Variants in TBC1D5 observed in about 807,000 individuals in gnomAD.
TBC1D5 encodes TBC1 domain family member 5.
A neutral mutation model predicts 100.3 loss-of-function variants in TBC1D5; 75 were observed. The observed-to-expected ratio is 0.75, with a 90% CI of 0.62 to 0.91. TBC1D5 has a LOEUF of 0.91. TBC1D5 is among the 40% of genes least tolerant of loss of function. The pLI is 0.00. For missense variants in TBC1D5, 910 were observed against 942.4 expected (o/e 0.97, Z 0.45); for synonymous variants, 323 against 325.6 (o/e 0.99, Z 0.09).
At chr3:17,714,743 A>T (rs1284624073) in intron 1 of TBC1D5, among the ~76,000 whole-genome samples, 1 of 152,180 alleles carries the variant, frequency 6.6e-6, no homozygotes, top group Non-Finnish European at 1.5e-5. Context: ...CTGATGCAGG[A>T]GGATCCCATG....
At chr3:17,341,152 G>C (rs1185696573) in intron 13 of TBC1D5, among the ~76,000 whole-genome samples, 1 of 152,092 alleles carries the variant, frequency 6.6e-6, no homozygotes, top group African/African-American at 2.4e-5. Flanking sequence ...ACTTATTTGA[G>C]TGATTACTAT....
intron 20 of TBC1D5, among the ~76,000 whole-genome samples, chr3:17,167,252 C>G (rs1352660959): frequency 1.3e-5 from 2 of 152,210 alleles, no homozygotes; most frequent in Non-Finnish European, 2.9e-5. Flanking sequence ...ACACCTTGGT[C>G]ACTAAAGTGG....
chr3:17,623,218 G>C (rs1277329771), intron 2 of TBC1D5, among the ~76,000 whole-genome samples: 1 of 152,156 alleles, frequency 6.6e-6, no homozygotes, highest in African/African-American at 2.4e-5. Flanking sequence ...GACTTAGTAG[G>C]TATGGGGTTA....
intron 9 of TBC1D5, among the ~76,000 whole-genome samples, chr3:17,382,767 G>T (rs2092999265): frequency 6.6e-6 from 1 of 151,894 alleles, no homozygotes; most frequent in Non-Finnish European, 1.5e-5. Flanking sequence ...TCACCATGTT[G>T]CCCAGCCTGG....
intron 2 of TBC1D5, among the ~76,000 whole-genome samples, chr3:17,608,094 T>A (rs559155023): frequency 5.7e-4 from 86 of 152,150 alleles, no homozygotes; most frequent in South Asian, 2.3e-3. Flanking sequence ...CCGTCTCTAC[T>A]AAAAATACAA....
intron 1 of TBC1D5, among the ~76,000 whole-genome samples, chr3:17,684,200 T>G (rs917623187): frequency 6.6e-6 from 1 of 152,078 alleles, no homozygotes; most frequent in Non-Finnish European, 1.5e-5. Flanking sequence ...GACACAGATA[T>G]GTATGACACA....
At chr3:17,286,439 C>T (rs1158146241) in intron 15 of TBC1D5, among the ~76,000 whole-genome samples, 1 of 152,088 alleles carries the variant, frequency 6.6e-6, no homozygotes, top group Non-Finnish European at 1.5e-5. Flanking sequence ...TTTTTAATCA[C>T]TTCATATTTT....
intron 2 of TBC1D5, among the ~76,000 whole-genome samples, chr3:17,579,079 C>T (rs1248267801): frequency 6.6e-6 from 1 of 151,994 alleles, no homozygotes; most frequent in Non-Finnish European, 1.5e-5. Flanking sequence ...ATGTGGGGCA[C>T]ATACTTTTAA....
In TBC1D5 at chr3:17,340,983, C is replaced by T. The variant is rs992567925; in HGVS notation, c.995+31092G>A. On this transcript the variant is annotated intron_variant, in intron 13 of 21. Transcript: ENST00000253692. ...GCAACTTACAACGTTCTGAAAATGT[C>T]ACATTAATATTTACAGAAGTCCCTC... Among the ~76,000 whole-genome samples the T allele has an allele frequency of 2.6e-5, 4 of 152,272 alleles. No homozygotes were observed. In the South Asian group the frequency reaches 8.3e-4, roughly 32 times the overall value.
intron 13 of TBC1D5, among the ~76,000 whole-genome samples, chr3:17,340,398 A>C (rs1190351136): frequency 6.6e-6 from 1 of 152,208 alleles, no homozygotes; most frequent in African/African-American, 2.4e-5. Flanking sequence ...AAGTAGGCTC[A>C]CATATAATTC....
At chr3:17,643,071 C>T (rs1042502103) in intron 1 of TBC1D5, among the ~76,000 whole-genome samples, 2 of 152,062 alleles carry the variant, frequency 1.3e-5, no homozygotes, top group African/African-American at 2.4e-5. Flanking sequence ...AGAATCCTAT[C>T]CAGGATTCCA....
chr3:17,704,135 G>C (rs942534012), intron 1 of TBC1D5, among the ~76,000 whole-genome samples: 3 of 141,862 alleles, frequency 2.1e-5, no homozygotes, highest in African/African-American at 7.9e-5. Context: ...TAACGAGCAT[G>C]CTGCCTTCAA....
At chr3:17,660,710 T>C (rs1221779632) in intron 1 of TBC1D5, among the ~76,000 whole-genome samples, 1 of 152,212 alleles carries the variant, frequency 6.6e-6, no homozygotes, top group African/African-American at 2.4e-5. Flanking sequence ...ACCTTGCTCA[T>C]ATAGTGCTTG....
At chr3:17,238,115 G>C (rs1457773613) in intron 17 of TBC1D5, 48 bp downstream of exon 17, 1 of 1,576,198 alleles carries the variant, frequency 6.3e-7, no homozygotes, top group South Asian at 1.2e-5. Context: ...AGAAATCCCA[G>C]GCTACACCAT....
intron 1 of TBC1D5, among the ~76,000 whole-genome samples, chr3:17,635,063 C>G (rs956594998): frequency 1.3e-5 from 2 of 152,108 alleles, no homozygotes; most frequent in African/African-American, 4.8e-5. Context: ...CTTTCAGCAG[C>G]TTTCTTACTT....
intron 13 of TBC1D5, among the ~76,000 whole-genome samples, chr3:17,357,509 A>G (rs1403516452): frequency 2.6e-5 from 4 of 152,184 alleles, no homozygotes; most frequent in Non-Finnish European, 5.9e-5. Context: ...CCTAGAGGTG[A>G]TCGACGTAGA....
intron 2 of TBC1D5, among the ~76,000 whole-genome samples, chr3:17,528,403 C>A (rs551870817): frequency 6.6e-6 from 1 of 152,166 alleles, no homozygotes; most frequent in Non-Finnish European, 1.5e-5. Flanking sequence ...TAGGAGAATG[C>A]AGTAACAAGG....
intron 21 of TBC1D5, among the ~76,000 whole-genome samples, chr3:17,161,946 C>G (rs1290828837): frequency 6.6e-6 from 1 of 152,108 alleles, no homozygotes; most frequent in African/African-American, 2.4e-5. Context: ...AGTATAATGG[C>G]AAAAAGTATA....
At chr3:17,712,218 G>C (rs1435073418) in intron 1 of TBC1D5, among the ~76,000 whole-genome samples, 1 of 151,930 alleles carries the variant, frequency 6.6e-6, no homozygotes, top group Non-Finnish European at 1.5e-5. Context: ...ACCAATAACA[G>C]AAACCCACAC....
Sources: gnomAD v4.1 joint callset for allele counts (sites outside exome capture counted in the v4.1 genomes callset) on GRCh38, gnomAD v4.1.1 for gene constraint, MANE v1.5 for transcripts, NCBI Gene and HGNC (gene_info 2026-07-23, HGNC 2026-07-21) for gene names.